The following MAP4K1 variants were observed in gnomAD, a reference collection of about 807,000 sequenced individuals.
MAP4K1 encodes the protein MAPK/ERK kinase kinase kinase 1.
A neutral mutation model predicts 122.8 loss-of-function variants in MAP4K1; 35 were observed. That is an observed-to-expected ratio of 0.29 (90% CI 0.22 to 0.38). The LOEUF is 0.38. MAP4K1 is among the 10% of genes least tolerant of loss of function. MAP4K1 has a pLI of 1.00. For missense variants in MAP4K1, 791 were observed against 1,072.6 expected (o/e 0.74, Z 3.67); for synonymous variants, 412 against 421.3 (o/e 0.98, Z 0.27).
rs1975405651 is a variant in MAP4K1 at position 38,608,765 on chromosome 19, A to G, written c.1007-595T>C. On this transcript the variant is annotated intron_variant, in intron 13 of 30. Coordinates refer to ENST00000396857, the MANE Select transcript of MAP4K1 (RefSeq NM_001042600.3). ...TGGTGAGCCAAGATCGCACCATCGC[A>G]CTCCAGCCTGGGCGACAGAGTGAAA... 3.0e-5 allele frequency among the ~76,000 whole-genome samples: 4 copies of G among 134,808 alleles called. No individual in the cohort carries two copies. In the South Asian group the frequency reaches 9.7e-4, roughly 33 times the overall value. The allele number at this position is 134,808 out of a possible 152,430, so 88.4% of individuals were successfully genotyped here. A position where few individuals can be genotyped will look rare whatever the true frequency, so the allele number is the denominator to read the frequency against.
intron 19 of MAP4K1, among the ~76,000 whole-genome samples, chr19:38,603,660 C>A (rs1197252940): frequency 6.6e-6 from 1 of 151,994 alleles, no homozygotes; most frequent in Non-Finnish European, 1.5e-5. Flanking sequence ...CATAGTGAGA[C>A]CCTGCCTCTA....
In MAP4K1 at chr19:38,611,314, G is replaced by C; in HGVS notation, c.666-9C>G. On this transcript the variant is annotated splice_polypyrimidine_tract_variant and intron_variant, in intron 9 of 30. Coordinates refer to ENST00000396857, the MANE Select transcript of MAP4K1 (RefSeq NM_001042600.3). ...TCATGAGGAAGAGAACTCTAGAATA[G>C]TAGGGAAAGGACATGGGGTTCAGAC... is the stretch of plus-strand genomic sequence containing the variant. 1 of 1,606,826 alleles carries C rather than the reference G, an allele frequency of 6.2e-7. No individual in the cohort carries two copies. Among genetic ancestry groups the C allele is most frequent in the Non-Finnish European group, 8.5e-7 (1 of 1,173,500 alleles).
chr19:38,602,697 CAT>C (rs776195509), intron 19 of MAP4K1, among the ~76,000 whole-genome samples: 37 of 144,206 alleles, frequency 2.6e-4, no homozygotes, highest in African/African-American at 5.2e-4. Flanking sequence ...TATATACACA[CAT>C]ATACATGTAT....
At chr19:38,609,388 G>A (rs889620539) in intron 13 of MAP4K1, among the ~76,000 whole-genome samples, 3 of 152,084 alleles carry the variant, frequency 2.0e-5, no homozygotes, top group Non-Finnish European at 2.9e-5. Context: ...GCCCACCTTG[G>A]CCTCCCAAAG....
chr19:38,614,343 G>A (rs1400981958), intron 5 of MAP4K1, 47 bp downstream of exon 5: 2 of 1,613,882 alleles, frequency 1.2e-6, no homozygotes, highest in Non-Finnish European at 8.5e-7. Context: ...GGCTGGAGTG[G>A]GGCCACCCTC....
intron 4 of MAP4K1, 70 bp downstream of exon 4, chr19:38,616,125 G>T: frequency 8.6e-7 from 1 of 1,167,378 alleles, no homozygotes; most frequent in Non-Finnish European, 1.2e-6. Context: ...GACGGAAGAG[G>T]TGAATTTGGG....
At chr19:38,599,669 GA>G (rs11460234) in intron 22 of MAP4K1, among the ~76,000 whole-genome samples, 4 of 150,018 alleles carry the variant, frequency 2.7e-5, no homozygotes, top group Middle Eastern at 6.8e-3. Flanking sequence ...CTCAAAAAAA[GA>G]AAAAAAAAGA....
At position 38,596,314 on chromosome 19, in the gene MAP4K1, G is replaced by A; in HGVS notation, c.2114C>T (p.Thr705Ile). ...CAGCAAGACTCCGCCCCACTCACCG[G>A]TGCTCATCTCGCCCAGCCAGCAAGA... is the stretch of plus-strand genomic sequence containing the variant. ...ALSCWLGEMSTEHRGPVQVTQ... is the reference protein window; with the variant it reads ...ALSCWLGEMSIEHRGPVQVTQ... The change falls in exon 26 of 31, where the codon ACC becomes ATC. Residue 705 changes from threonine to isoleucine, a missense_variant and splice_region_variant. Thr to Ile is a moderately conservative substitution (Grantham distance 89). This residue lies in a region of MAP4K1 where 267 missense variants were observed against 323.0 expected (regional missense o/e 0.83). Coordinates refer to ENST00000396857, the MANE Select transcript of MAP4K1 (RefSeq NM_001042600.3). The A allele has an allele frequency of 6.4e-7, 1 of 1,572,706 alleles. No individual in the cohort carries two copies. The highest frequency in any genetic ancestry group is 8.6e-7 in the Non-Finnish European group (1 of 1,158,040).
chr19:38,587,880 C>T (rs1974571925), intron 30 of MAP4K1, 63 bp from the exon 31 acceptor site: 4 of 1,300,980 alleles, frequency 3.1e-6, no homozygotes, highest in Non-Finnish European at 4.5e-6. Flanking sequence ...TTCATTAATT[C>T]ACAAAGTAGT....
chr19:38,607,773 G>T, intron 16 of MAP4K1, 91 bp downstream of exon 16: 1 of 1,383,840 alleles, frequency 7.2e-7, no homozygotes, highest in Non-Finnish European at 1.0e-6. Flanking sequence ...GTGCAGCGGG[G>T]TCAGGAGTGG....
chr19:38,602,937 TAC>T (rs1381313817), intron 19 of MAP4K1, among the ~76,000 whole-genome samples: 1 of 145,250 alleles, frequency 6.9e-6, no homozygotes, highest in Non-Finnish European at 1.5e-5. Context: ...TATACATATA[TAC>T]ACATACATAT....
intron 19 of MAP4K1, among the ~76,000 whole-genome samples, chr19:38,602,006 G>A (rs1975079134): frequency 6.6e-6 from 1 of 151,762 alleles, no homozygotes; most frequent in South Asian, 2.1e-4. Flanking sequence ...TTGAACTCTT[G>A]GCCTCATGTG....
At chr19:38,613,774 G>T in intron 8 of MAP4K1, 106 bp downstream of exon 8, 1 of 838,246 alleles carries the variant, frequency 1.2e-6, no homozygotes, top group Non-Finnish European at 1.9e-6. Flanking sequence ...CAAGGAGAAA[G>T]GACGAGGCAG....
intron 13 of MAP4K1, among the ~76,000 whole-genome samples, chr19:38,608,827 A>C (rs1391248982): frequency 2.0e-5 from 3 of 149,044 alleles, no homozygotes; most frequent in Non-Finnish European, 3.0e-5. Context: ...AAAAAAAAAA[A>C]AACATTAGCC....
Position 38,596,372 on chromosome 19 carries a change from C to T in MAP4K1, c.2056G>A (p.Val686Met). 6.2e-7 allele frequency: 1 copy of T among 1,600,492 alleles called. No individual in the cohort carries two copies. The highest frequency in any genetic ancestry group is 8.5e-7 in the Non-Finnish European group (1 of 1,176,176). The change falls in exon 26 of 31, where the codon GTG becomes ATG. Residue 686 changes from valine to methionine, a missense_variant. By Grantham distance (21) the Val-to-Met change is conservative (BLOSUM62 1). Transcript: ENST00000396857. ...GVSPGRPGKS[V>M]LFHTVRFGAL... ...CCAAAGCGCACCGTGTGGAAGAGCA[C>T]CGACTTCCCCGGCCGCCCGGGGCTC... is the stretch of plus-strand genomic sequence containing the variant.
chr19:38,596,271 T>G, intron 26 of MAP4K1, 41 bp downstream of exon 26: 1 of 1,503,408 alleles, frequency 6.7e-7, no homozygotes, highest in Non-Finnish European at 8.9e-7. Context: ...CCCCTCCGGA[T>G]CTGATAAGCC....
At position 38,601,529 on chromosome 19, in the gene MAP4K1, G is replaced by A; in HGVS notation, c.1447-4C>T. ...ACTTTACGAGAAGGGCACATCCCTG[G>A]GCAGGTCGCCGCGGGGCCAGGCAGC... is the stretch of plus-strand genomic sequence containing the variant. On this transcript the variant is annotated splice_polypyrimidine_tract_variant and splice_region_variant and intron_variant, in intron 19 of 30. Coordinates refer to ENST00000396857, the MANE Select transcript of MAP4K1 (RefSeq NM_001042600.3). 1.2e-6 allele frequency: 2 copies of A among 1,602,908 alleles called. No homozygotes were observed. Among genetic ancestry groups the A allele is most frequent in the Non-Finnish European group, 1.7e-6 (2 of 1,175,108 alleles).
At chr19:38,598,998 G>T (rs529241813) in intron 22 of MAP4K1, among the ~76,000 whole-genome samples, 5 of 130,474 alleles carry the variant, frequency 3.8e-5, no homozygotes, top group Middle Eastern at 0.01. Flanking sequence ...GGGCAACAGA[G>T]TGAGAGTCTA....
At chr19:38,612,523 T>G in intron 9 of MAP4K1, 88 bp downstream of exon 9, 1 of 1,355,114 alleles carries the variant, frequency 7.4e-7, no homozygotes, top group Non-Finnish European at 9.9e-7. Flanking sequence ...GAATTGGAGG[T>G]TCCTGGGATG....
Sources: allele counts gnomAD v4.1 joint callset (sites outside exome capture counted in the v4.1 genomes callset), GRCh38; gene constraint gnomAD v4.1.1; regional missense constraint gnomAD v4.1.1; transcripts MANE v1.5; gene names NCBI Gene and HGNC (gene_info 2026-07-23, HGNC 2026-07-21).